Variants in ALDH18A1 observed in about 807,000 individuals in gnomAD.
ALDH18A1 encodes aldehyde dehydrogenase 18 family member A1, also known as delta-1-pyrroline-5-carboxylate synthase.
Under a neutral mutation model 88.8 loss-of-function variants are expected in ALDH18A1, and 44 were observed. The ratio of observed to expected loss-of-function variants is 0.50; its 90% CI spans 0.39 to 0.64. The LOEUF (loss-of-function observed/expected upper bound fraction) is 0.64. ALDH18A1 is among the 30% of genes least tolerant of loss of function. The pLI is 0.00. For synonymous variants in ALDH18A1, 331 were observed against 372.1 expected, an observed-to-expected ratio of 0.89 and a Z score of 1.27; for missense variants, 782 against 1,009.5, an observed-to-expected ratio of 0.77 and a Z score of 3.05.
chr10:95,635,587 T>C (rs1034908392), intron 5 of ALDH18A1, among the ~76,000 whole-genome samples: 2 of 152,030 alleles, frequency 1.3e-5, no homozygotes, highest in South Asian at 4.1e-4. Context: ...CTGAAGAAAA[T>C]AAGGAACCAC....
chr10:95,628,654 C>A lies in ALDH18A1; in HGVS notation c.809-162G>T, dbSNP rs564459220. On this transcript the variant is annotated intron_variant, in intron 7 of 17. Coordinates refer to ENST00000371224, the MANE Select transcript of ALDH18A1 (RefSeq NM_002860.4). ...GAAAAAGAGAACAAGGGATTCGACACTGACAAACATCTCCAGGAAGACTCA... is the reference window on the plus strand; with the variant it reads ...GAAAAAGAGAACAAGGGATTCGACAATGACAAACATCTCCAGGAAGACTCA... 2.1e-4 allele frequency: 155 copies of A among 755,226 alleles called. 1 individual carries two copies. In the African/African-American group the frequency reaches 2.6e-3, roughly 13 times the overall value. The allele number at this position is 755,226 out of a possible 1,614,324, so 46.8% of individuals were successfully genotyped here.
chr10:95,623,155 C>T (rs558409053), intron 11 of ALDH18A1, among the ~76,000 whole-genome samples: 63 of 152,192 alleles, frequency 4.1e-4, no homozygotes, highest in South Asian at 2.7e-3. Context: ...CTTTACTTTT[C>T]CCCATATGCT....
At chr10:95,621,647 G>C (rs2097852846) in intron 11 of ALDH18A1, among the ~76,000 whole-genome samples, 1 of 151,944 alleles carries the variant, frequency 6.6e-6, no homozygotes, top group Admixed American at 6.6e-5. Context: ...TGAACATGTG[G>C]GACTGCATTA....
At chr10:95,635,093 G>A (rs1438192848) in intron 5 of ALDH18A1, among the ~76,000 whole-genome samples, 1 of 152,144 alleles carries the variant, frequency 6.6e-6, no homozygotes, top group East Asian at 1.9e-4. Flanking sequence ...GAGTACCTCT[G>A]AAATGCCAGA....
At chr10:95,626,820 C>A (rs752064324) in intron 9 of ALDH18A1, 44 bp from the exon 10 acceptor site, 3 of 1,601,766 alleles carry the variant, frequency 1.9e-6, no homozygotes, top group African/African-American at 1.3e-5. Context: ...CACCTTAGTT[C>A]TCTCTCTAGT....
chr10:95,637,210 A>G lies in ALDH18A1; in HGVS notation c.454-13T>C. On this transcript the variant is annotated splice_polypyrimidine_tract_variant and intron_variant, in intron 4 of 17. Transcript: ENST00000371224. The stretch of plus-strand genomic sequence containing the variant: ...AGACTGGAATTGCCTGTAATATACC[A>G]ATGAGACAAGGTGTGGTAGGGAATG... 1 of 1,614,174 alleles carries G rather than the reference A, an allele frequency of 6.2e-7. No individual in the cohort carries two copies. The highest frequency in any genetic ancestry group is 8.5e-7 in the Non-Finnish European group (1 of 1,180,036).
At chr10:95,635,348 C>G (rs1463459560) in intron 5 of ALDH18A1, among the ~76,000 whole-genome samples, 1 of 152,010 alleles carries the variant, frequency 6.6e-6, no homozygotes, top group Non-Finnish European at 1.5e-5. Context: ...ATACCTGTCA[C>G]CAAAATAGCT....
chr10:95,652,418 C>CA (rs2097911740), intron 2 of ALDH18A1, among the ~76,000 whole-genome samples: 1 of 152,012 alleles, frequency 6.6e-6, no homozygotes. Flanking sequence ...AACTTAATTA[C>CA]AAAAAAAGAG....
At position 95,606,296 on chromosome 10, in the gene ALDH18A1, A is replaced by C. The variant is rs886047508; in HGVS notation, c.*466T>G. 1 of 1,002,104 alleles carries C rather than the reference A, an allele frequency of 1.0e-6. No homozygotes were observed. Among genetic ancestry groups the C allele is most frequent in the Non-Finnish European group, 1.2e-6 (1 of 839,476 alleles). The allele number at this position is 1,002,104 out of a possible 1,614,324, so 62.1% of individuals were successfully genotyped here. A position where few individuals can be genotyped will look rare whatever the true frequency, so the allele number is the denominator to read the frequency against. ...GTGACTTTCTGATGAGAATGCTAAA[A>C]AGAAGAGTTGCCCCTTTTCTAAAAT... On this transcript the variant is annotated 3_prime_UTR_variant, in exon 18 of 18. Transcript: ENST00000371224.
chr10:95,653,050 C>T (rs765812172), intron 2 of ALDH18A1, among the ~76,000 whole-genome samples: 1 of 151,286 alleles, frequency 6.6e-6, no homozygotes, highest in South Asian at 2.1e-4. Context: ...AGAGTCAGCG[C>T]GGTGGTGTGT....
intron 10 of ALDH18A1, 73 bp downstream of exon 10, chr10:95,626,630 G>A (rs2139588395): frequency 1.4e-6 from 2 of 1,417,398 alleles, no homozygotes; most frequent in Non-Finnish European, 2.0e-6. Context: ...GGAGTCAGCA[G>A]GTTTGACTCC....
Position 95,614,236 on chromosome 10 carries a change from A to G in ALDH18A1, c.1606-75T>C, listed in dbSNP as rs1485623477. 3 of 1,447,782 alleles carry G rather than the reference A, an allele frequency of 2.1e-6. No individual in the cohort carries two copies. The African/African-American group carries it at 4.2e-5, about 20-fold the overall frequency. The allele number at this position is 1,447,782 out of a possible 1,614,324, so 89.7% of individuals were successfully genotyped here. On this transcript the variant is annotated intron_variant, in intron 13 of 17. Transcript: ENST00000371224. ...ATATAAAAACAGCAGCTTCCCTTTTACAGATAAACATCTGTACACTCTGAG... is the reference window on the plus strand; with the variant it reads ...ATATAAAAACAGCAGCTTCCCTTTTGCAGATAAACATCTGTACACTCTGAG...
intron 2 of ALDH18A1, among the ~76,000 whole-genome samples, chr10:95,652,340 G>A (rs114058627): frequency 1.0e-3 from 159 of 152,240 alleles, no homozygotes; most frequent in African/African-American, 3.7e-3. Flanking sequence ...TTGGGTAAAG[G>A]GTATAAGGGA....
chr10:95,622,756 C>T (rs4918949), intron 11 of ALDH18A1, among the ~76,000 whole-genome samples: 20,198 of 152,030 alleles, frequency 0.13, 1,922 homozygotes, highest in East Asian at 0.49. Context: ...CCAGGATGGT[C>T]TCCATCTCCT....
chr10:95,606,476 T>C lies in ALDH18A1; in HGVS notation c.*286A>G. Reference sequence around the variant, plus strand: ...GCAGCCATGGGTTTTCCTCGCCTTTTTTATGGGGAAAATGCACCTTTCAAT... The same window carrying C: ...GCAGCCATGGGTTTTCCTCGCCTTTCTTATGGGGAAAATGCACCTTTCAAT... On this transcript the variant is annotated 3_prime_UTR_variant, in exon 18 of 18. Transcript: ENST00000371224. 2 of 1,265,798 alleles carry C rather than the reference T, an allele frequency of 1.6e-6. No individual in the cohort carries two copies. Among genetic ancestry groups the C allele is most frequent in the Non-Finnish European group, 1.0e-6 (1 of 996,480 alleles). The allele number at this position is 1,265,798 out of a possible 1,614,324, so 78.4% of individuals were successfully genotyped here. A position where few individuals can be genotyped will look rare whatever the true frequency, so the allele number is the denominator to read the frequency against.
chr10:95,619,910 A>G (rs2097849580), intron 12 of ALDH18A1, among the ~76,000 whole-genome samples: 1 of 152,248 alleles, frequency 6.6e-6, no homozygotes. Flanking sequence ...ACCAAAAGCA[A>G]TGACAGCAAA....
intron 1 of ALDH18A1, 108 bp from the exon 2 acceptor site, chr10:95,653,513 C>G (rs1290028968): frequency 1.2e-5 from 11 of 884,876 alleles, no homozygotes; most frequent in Non-Finnish European, 1.8e-5. Context: ...CTCTCCTGCT[C>G]CAAACTCCTC....
chr10:95,625,386 T>G lies in ALDH18A1; in HGVS notation c.1222A>C (p.Lys408Gln), dbSNP rs747402980. 6.2e-7 allele frequency: 1 copy of G among 1,614,006 alleles called. No individual in the cohort carries two copies. Among genetic ancestry groups the G allele is most frequent in the Non-Finnish European group, 8.5e-7 (1 of 1,180,000 alleles). ...CCCTCTGCCTCCTCCAAGTCTTTTT[T>G]GTTGGCTAACAGGATCTCATCACGC... ...DQRDEILLAN[K>Q]KDLEEAEGRL... Residue 408 changes from lysine to glutamine, a missense_variant, in exon 11 of 18, where the codon AAA becomes CAA. Coordinates refer to ENST00000371224, the MANE Select transcript of ALDH18A1 (RefSeq NM_002860.4).
chr10:95,636,368 CTG>C (rs1475623451), intron 5 of ALDH18A1, among the ~76,000 whole-genome samples: 3 of 151,756 alleles, frequency 2.0e-5, no homozygotes, highest in Non-Finnish European at 4.4e-5. Context: ...CCTGAAGTGA[CTG>C]TTATTGAGAT....
Sources: gnomAD v4.1 joint callset for allele counts (sites outside exome capture counted in the v4.1 genomes callset) on GRCh38, gnomAD v4.1.1 for gene constraint, MANE v1.5 for transcripts, NCBI Gene and HGNC (gene_info 2026-07-23, HGNC 2026-07-21) for gene names.